NAV3: variants seen among roughly 807,000 people sequenced by gnomAD.
NAV3 encodes neuron navigator 3, also known as pore membrane and/or filament interacting like protein 1.
NAV3 carries 87 observed loss-of-function variants against 244.7 expected under a neutral mutation model. The ratio of observed to expected loss-of-function variants is 0.36; its 90% CI spans 0.30 to 0.42. NAV3 has a LOEUF of 0.42. Among genes scored for constraint, NAV3 ranks in the 20% least tolerant of loss-of-function variants. The pLI is 1.00. For synonymous variants in NAV3, 1,126 were observed against 1,042.2 expected (o/e 1.08, Z -1.55); for missense variants, 2,663 against 2,893.3 (o/e 0.92, Z 1.83).
chr12:77,887,949 A>G (rs1883481522), intron 1 of NAV3, among the ~76,000 whole-genome samples: 1 of 152,066 alleles, frequency 6.6e-6, no homozygotes, highest in South Asian at 2.1e-4. Flanking sequence ...AAGAGGGAAA[A>G]AAGAGATAAT....
At chr12:78,158,105 C>T (rs1173185836) in intron 22 of NAV3, among the ~76,000 whole-genome samples, 1 of 152,068 alleles carries the variant, frequency 6.6e-6, no homozygotes, top group Non-Finnish European at 1.5e-5. Flanking sequence ...GTAGGTGCCT[C>T]AGCATTTCCA....
intron 2 of NAV3, among the ~76,000 whole-genome samples, chr12:77,798,323 G>A: frequency 6.6e-6 from 1 of 152,168 alleles, no homozygotes; most frequent in Admixed American, 6.5e-5. Context: ...CTGAAATTAA[G>A]CATTTCCACT....
At chr12:77,757,599 A>G (rs966264067) in intron 2 of NAV3, among the ~76,000 whole-genome samples, 4 of 152,216 alleles carry the variant, frequency 2.6e-5, no homozygotes, top group African/African-American at 9.6e-5. Flanking sequence ...TGCATAGTGA[A>G]TAATTTTTAT....
At chr12:77,747,475 T>C (rs4761397) in intron 2 of NAV3, among the ~76,000 whole-genome samples, 60,275 of 152,034 alleles carry the variant, frequency 0.4, 13,832 homozygotes, top group East Asian at 0.81. Context: ...GTCAGTGTGG[T>C]GATTCCTCAG....
At chr12:77,874,633 CTCTATATTGTCT>C (rs1234483585) in intron 1 of NAV3, among the ~76,000 whole-genome samples, 1 of 151,938 alleles carries the variant, frequency 6.6e-6, no homozygotes, top group Non-Finnish European at 1.5e-5. Flanking sequence ...TCTAATTTCA[CTCTATATTGTCT>C]TATTAGTGAA....
At chr12:77,977,339 G>A (rs975629332) in intron 5 of NAV3, among the ~76,000 whole-genome samples, 2 of 152,006 alleles carry the variant, frequency 1.3e-5, no homozygotes, top group African/African-American at 4.8e-5. Flanking sequence ...ATATAGGCAG[G>A]TCTTTCTAGG....
At chr12:77,598,968 G>C (rs1380319613) in intron 2 of NAV3, among the ~76,000 whole-genome samples, 1 of 151,824 alleles carries the variant, frequency 6.6e-6, no homozygotes, top group Non-Finnish European at 1.5e-5. Context: ...TTGCATAACT[G>C]AATGTTTGTA....
At chr12:77,724,004 G>A (rs1220919889) in intron 2 of NAV3, among the ~76,000 whole-genome samples, 2 of 151,660 alleles carry the variant, frequency 1.3e-5, no homozygotes, top group African/African-American at 4.8e-5. Flanking sequence ...AATTTTAAAT[G>A]CCAAATAAAT....
At chr12:77,780,963 C>G (rs1203602506) in intron 2 of NAV3, among the ~76,000 whole-genome samples, 1 of 152,124 alleles carries the variant, frequency 6.6e-6, no homozygotes, top group Admixed American at 6.6e-5. Context: ...ATCCTTGGCT[C>G]TGGCTTAAGT....
At chr12:78,145,485 A>T (rs1054472818) in intron 20 of NAV3, among the ~76,000 whole-genome samples, 6 of 152,190 alleles carry the variant, frequency 3.9e-5, no homozygotes, top group African/African-American at 1.4e-4. Flanking sequence ...TCAGCTTTGG[A>T]TCTGCTTATG....
chr12:77,632,173 A>G (rs1871937787), intron 2 of NAV3, among the ~76,000 whole-genome samples: 2 of 152,178 alleles, frequency 1.3e-5, no homozygotes, highest in South Asian at 4.1e-4. Context: ...ATCTAGCTAC[A>G]ATCAGAATGG....
rs767169606 is a variant in NAV3 at position 77,646,709 on chromosome 12, G to C, written c.72+74443G>C. On this transcript the variant is annotated intron_variant, in intron 2 of 8. Coordinates refer to the NAV3 transcript ENST00000550042. ...GGAGGAGTGCAAGATGTTGGGGTTGGGGGTGTGCAGGATAGGAGGGTCACT... is the reference window on the plus strand; with the variant it reads ...GGAGGAGTGCAAGATGTTGGGGTTGCGGGTGTGCAGGATAGGAGGGTCACT... Among the ~76,000 whole-genome samples, 18 of 152,012 alleles carry C rather than the reference G, an allele frequency of 1.2e-4. 1 individual carries two copies. The highest frequency in any genetic ancestry group is 2.9e-5 in the Non-Finnish European group (2 of 67,990).
At chr12:77,727,049 T>C (rs1481035911) in intron 2 of NAV3, among the ~76,000 whole-genome samples, 2 of 151,942 alleles carry the variant, frequency 1.3e-5, no homozygotes, top group East Asian at 3.9e-4. Flanking sequence ...TGAATGAAGA[T>C]AGCAGAAGGA....
intron 23 of NAV3, among the ~76,000 whole-genome samples, chr12:78,160,400 C>T (rs10860043): frequency 0.63 from 86,241 of 136,872 alleles, 27,006 homozygotes; most frequent in East Asian, 0.91. Context: ...TGTGTGTGTG[C>T]GTGCGTGTGT....
intron 9 of NAV3, among the ~76,000 whole-genome samples, chr12:78,037,719 CT>C (rs1301206397): frequency 1.3e-5 from 2 of 152,116 alleles, no homozygotes; most frequent in African/African-American, 4.8e-5. Flanking sequence ...TTTTCACCTA[CT>C]CATTAAAGGG....
chr12:77,898,937 T>C (rs1884947559), intron 1 of NAV3, among the ~76,000 whole-genome samples: 1 of 152,176 alleles, frequency 6.6e-6, no homozygotes, highest in South Asian at 2.1e-4. Flanking sequence ...AGAAGTTGTT[T>C]CTAACTATTA....
intron 1 of NAV3, among the ~76,000 whole-genome samples, chr12:77,911,945 G>A (rs552548172): frequency 6.6e-6 from 1 of 152,000 alleles, no homozygotes; most frequent in African/African-American, 2.4e-5. Flanking sequence ...TTTAAATCAA[G>A]CCTTTACCTC....
At chr12:77,999,821 C>T (rs973874261) in intron 7 of NAV3, among the ~76,000 whole-genome samples, 2 of 151,736 alleles carry the variant, frequency 1.3e-5, no homozygotes, top group African/African-American at 4.8e-5. Flanking sequence ...CATTTCCTAA[C>T]TTTTCTAAAA....
At chr12:77,768,974 C>T (rs918152446) in intron 2 of NAV3, among the ~76,000 whole-genome samples, 31 of 152,170 alleles carry the variant, frequency 2.0e-4, no homozygotes, top group Non-Finnish European at 4.3e-4. Flanking sequence ...AAAATAATAG[C>T]ACTTAGTGAA....
Sources: gnomAD v4.1 joint callset for allele counts (sites outside exome capture counted in the v4.1 genomes callset) on GRCh38, gnomAD v4.1.1 for gene constraint, MANE v1.5 for transcripts, NCBI Gene and HGNC (gene_info 2026-07-23, HGNC 2026-07-21) for gene names.